Variants in SYT1 observed in about 807,000 individuals in gnomAD.
SYT1 encodes the protein synaptotagmin 1.
A neutral mutation model predicts 44.8 loss-of-function variants in SYT1; 8 were observed. The observed-to-expected ratio is 0.18, with a 90% CI of 0.10 to 0.32. The LOEUF (loss-of-function observed/expected upper bound fraction) is 0.32. SYT1 is among the 10% of genes least tolerant of loss of function. The probability of loss-of-function intolerance (pLI) is 1.00; values close to 1 mark genes in which losing one functional copy is unlikely to be tolerated. For missense variants in SYT1, 286 were observed against 509.3 expected, an observed-to-expected ratio of 0.56 and a Z score of 4.22; for synonymous variants, 154 against 188.8, an observed-to-expected ratio of 0.82 and a Z score of 1.51.
chr12:79,025,735 T>C (rs765440708), intron 2 of SYT1, among the ~76,000 whole-genome samples: 2 of 151,648 alleles, frequency 1.3e-5, no homozygotes, highest in Non-Finnish European at 3.0e-5. Context: ...TTCATATATA[T>C]GTTTATGTGT....
intron 9 of SYT1, among the ~76,000 whole-genome samples, chr12:79,363,573 A>T (rs1054872247): frequency 2.1e-4 from 22 of 106,438 alleles, no homozygotes; most frequent in Non-Finnish European, 3.2e-4. Context: ...AAAAAAAATT[A>T]AAAAAAAAAA....
At chr12:79,008,657 A>G (rs1026577394) in intron 2 of SYT1, among the ~76,000 whole-genome samples, 1 of 152,134 alleles carries the variant, frequency 6.6e-6, no homozygotes, top group African/African-American at 2.4e-5. Flanking sequence ...GTAGAGAGTG[A>G]GGGAAAGAAC....
chr12:78,989,946 G>A (rs1374244996), intron 2 of SYT1, among the ~76,000 whole-genome samples: 1 of 152,044 alleles, frequency 6.6e-6, no homozygotes, highest in Admixed American at 6.6e-5. Context: ...ACTCTATGTG[G>A]CTACTGGAAG....
chr12:79,376,127 A>G (rs962084963), intron 9 of SYT1, among the ~76,000 whole-genome samples: 1 of 152,162 alleles, frequency 6.6e-6, no homozygotes, highest in African/African-American at 2.4e-5. Flanking sequence ...AAACTTTCTT[A>G]ATCTAAATGT....
chr12:79,178,371 G>A (rs528009562), intron 3 of SYT1, among the ~76,000 whole-genome samples: 38 of 151,388 alleles, frequency 2.5e-4, no homozygotes, highest in South Asian at 2.3e-3. Flanking sequence ...TTTCATGCTC[G>A]TATTGTCTGA....
At chr12:78,888,474 T>C (rs1874867560) in intron 1 of SYT1, among the ~76,000 whole-genome samples, 1 of 151,996 alleles carries the variant, frequency 6.6e-6, no homozygotes, top group Admixed American at 6.6e-5. Flanking sequence ...TTAAAATTAA[T>C]CATCACCTAA....
chr12:78,911,753 A>G (rs1459285744), intron 1 of SYT1, among the ~76,000 whole-genome samples: 1 of 151,938 alleles, frequency 6.6e-6, no homozygotes, highest in Non-Finnish European at 1.5e-5. Flanking sequence ...CTTTTTGGTC[A>G]TGATGTTGGT....
At chr12:79,061,443 G>T (rs1487401290) in intron 3 of SYT1, among the ~76,000 whole-genome samples, 1 of 152,100 alleles carries the variant, frequency 6.6e-6, no homozygotes, top group Non-Finnish European at 1.5e-5. Context: ...GACTTTCTCA[G>T]TTAATAACTG....
chr12:79,153,558 A>T (rs1870409522), intron 3 of SYT1, among the ~76,000 whole-genome samples: 1 of 152,160 alleles, frequency 6.6e-6, no homozygotes, highest in South Asian at 2.1e-4. Flanking sequence ...AGCACAGAGG[A>T]TATAATGCAT....
At chr12:79,207,767 C>A (rs1221452486) in intron 3 of SYT1, among the ~76,000 whole-genome samples, 3 of 152,116 alleles carry the variant, frequency 2.0e-5, no homozygotes, top group African/African-American at 7.2e-5. Flanking sequence ...GGGAAAATAG[C>A]TAAATTCTTA....
chr12:79,140,342 G>A (rs751669308), intron 3 of SYT1, among the ~76,000 whole-genome samples: 4 of 151,956 alleles, frequency 2.6e-5, no homozygotes, highest in Admixed American at 2.0e-4. Flanking sequence ...CCTTTACTGC[G>A]TATCTGCCTT....
intron 4 of SYT1, among the ~76,000 whole-genome samples, chr12:79,226,006 G>C (rs903222259): frequency 6.6e-6 from 1 of 152,058 alleles, no homozygotes; most frequent in Non-Finnish European, 1.5e-5. Context: ...CTCTCTGAAG[G>C]CAATATGTTG....
At position 79,417,822 on chromosome 12, in the gene SYT1, C is replaced by G. The variant is rs572445208; in HGVS notation, c.929-26251C>G. On this transcript the variant is annotated intron_variant, in intron 9 of 10. Coordinates refer to ENST00000261205, the MANE Select transcript of SYT1 (RefSeq NM_005639.3). ...CACCCCCCACTTCAACCTGGAGAACCTCTAAAGTTGTGCTTTTCTGTTTTT... is the reference window on the plus strand; with the variant it reads ...CACCCCCCACTTCAACCTGGAGAACGTCTAAAGTTGTGCTTTTCTGTTTTT... Among the ~76,000 whole-genome samples, 15 of 151,954 alleles carry G rather than the reference C, an allele frequency of 9.9e-5. No homozygotes were observed. The South Asian group carries it at 3.1e-3, about 32-fold the overall frequency.
chr12:79,047,907 G>C (rs1294825881), intron 3 of SYT1, among the ~76,000 whole-genome samples: 1 of 151,748 alleles, frequency 6.6e-6, no homozygotes, highest in Admixed American at 6.6e-5. Flanking sequence ...CCTTGCTATT[G>C]TTTGATGATA....
chr12:78,943,404 AGAGCAG>A (rs1417058464), intron 1 of SYT1, among the ~76,000 whole-genome samples: 3 of 152,202 alleles, frequency 2.0e-5, no homozygotes, highest in Non-Finnish European at 2.9e-5. Flanking sequence ...TCACATGGTC[AGAGCAG>A]GAGCAAGAGG....
At chr12:79,115,643 C>T (rs537724280) in intron 3 of SYT1, among the ~76,000 whole-genome samples, 26 of 152,290 alleles carry the variant, frequency 1.7e-4, no homozygotes, top group Admixed American at 8.5e-4. Flanking sequence ...ACATCTTGTT[C>T]TTTCCACAGA....
rs182150070 is a variant in SYT1, at chr12:79,032,436, G to A, written c.-83-14861G>A. Among the ~76,000 whole-genome samples the A allele has an allele frequency of 7.2e-3, 1,090 of 151,240 alleles. 3 individuals are homozygous for A. The highest frequency in any genetic ancestry group is 0.013 in the Non-Finnish European group (847 of 67,388). On this transcript the variant is annotated intron_variant, in intron 2 of 10. Coordinates refer to ENST00000261205, the MANE Select transcript of SYT1 (RefSeq NM_005639.3). ...GGAATTAAACAATTTGTTGATGTTT[G>A]CCTGTTTTATAGAAATGGAACTTTG...
At chr12:79,006,808 T>C (rs535594404) in intron 2 of SYT1, among the ~76,000 whole-genome samples, 3 of 152,304 alleles carry the variant, frequency 2.0e-5, no homozygotes, top group African/African-American at 7.2e-5. Flanking sequence ...GCCATGCTGA[T>C]GCTTTTGGCA....
At chr12:79,224,748 TTTTTTATTATTA>T (rs1402203924) in intron 4 of SYT1, among the ~76,000 whole-genome samples, 28 of 20,826 alleles carry the variant, frequency 1.3e-3, no homozygotes, top group African/African-American at 3.7e-3. Context: ...TATTTATTTA[TTTTTTATTATTA>T]TTATTATTAT....
Sources: allele counts gnomAD v4.1 joint callset (sites outside exome capture counted in the v4.1 genomes callset), GRCh38; gene constraint gnomAD v4.1.1; transcripts MANE v1.5; gene names NCBI Gene and HGNC (gene_info 2026-07-23, HGNC 2026-07-21).